The following CABIN1 variants were observed in gnomAD, a reference collection of about 807,000 sequenced individuals.
CABIN1 encodes calcineurin-binding protein cabin-1.
CABIN1 carries 133 observed loss-of-function variants against 227.7 expected under a neutral mutation model. The observed-to-expected ratio is 0.58, with a 90% CI of 0.51 to 0.67. The LOEUF (loss-of-function observed/expected upper bound fraction) is 0.67. Among genes scored for constraint, CABIN1 ranks in the 30% least tolerant of loss-of-function variants. The pLI, the probability that CABIN1 is intolerant of heterozygous loss-of-function variation, is 0.00. For missense variants in CABIN1, 2,408 were observed against 2,852.5 expected (o/e 0.84, Z 3.55); for synonymous variants, 1,086 against 1,155.1 (o/e 0.94, Z 1.21).
At chr22:24,037,467 G>A (rs1327640926) in intron 3 of CABIN1, among the ~76,000 whole-genome samples, 1 of 151,782 alleles carries the variant, frequency 6.6e-6, no homozygotes, top group Non-Finnish European at 1.5e-5. Flanking sequence ...ACCATGCTCA[G>A]CTGATTTTTA....
At position 24,050,858 on chromosome 22, in the gene CABIN1, A is replaced by G. The variant is rs750650338; in HGVS notation, c.690A>G (p.Ala230=). Residue 230 remains alanine, a synonymous_variant, in exon 8 of 37, where the codon GCA becomes GCG. Transcript: ENST00000263119. ...CGATTCACGATGTTTCGGTGAGTGC[A>G]GCTGAGACACAGGCGATTGTAGATG... ...DMSIHDVSVS[A]AETQAIVDEA... 1.9e-6 allele frequency: 3 copies of G among 1,614,228 alleles called. No homozygotes were observed. In the South Asian group the frequency reaches 3.3e-5, roughly 18 times the overall value.
chr22:24,067,493 T>C (rs767785430), intron 16 of CABIN1, among the ~76,000 whole-genome samples: 1 of 152,246 alleles, frequency 6.6e-6, no homozygotes, highest in South Asian at 2.1e-4. Context: ...CACTTGTTTA[T>C]TCATCCATCT....
At position 24,176,283 on chromosome 22, in the gene CABIN1, G is replaced by A. The variant is rs761046449; in HGVS notation, c.6205+8G>A. ...AGCCCACCTGCAGCCAGGGTAAGGC[G>A]AGTTGGGAGCAGCCCAGCACCAGCC... On this transcript the variant is annotated splice_region_variant and intron_variant, in intron 35 of 36. Transcript: ENST00000263119. The A allele has an allele frequency of 3.8e-6, 6 of 1,593,402 alleles. No individual in the cohort carries two copies. The highest frequency in any genetic ancestry group is 1.1e-5 in the South Asian group (1 of 88,594).
intron 28 of CABIN1, among the ~76,000 whole-genome samples, chr22:24,125,937 G>A (rs1401065061): frequency 1.3e-5 from 2 of 152,216 alleles, no homozygotes; most frequent in South Asian, 4.1e-4. Context: ...CCCCATACTG[G>A]CTGCTGCTTT....
intron 29 of CABIN1, among the ~76,000 whole-genome samples, chr22:24,148,640 T>C (rs2267063): frequency 0.29 from 44,080 of 152,228 alleles, 8,063 homozygotes; most frequent in African/African-American, 0.52. Context: ...GTTTCTCCAT[T>C]TCCAAAGGTG....
At chr22:24,036,981 C>T (rs572636377) in intron 3 of CABIN1, among the ~76,000 whole-genome samples, 19 of 152,132 alleles carry the variant, frequency 1.2e-4, no homozygotes, top group Non-Finnish European at 1.3e-4. Context: ...GAAACCAGGC[C>T]GGGTGCGGTG....
At chr22:24,156,012 C>T in intron 29 of CABIN1, 1 of 574,432 alleles carries the variant, frequency 1.7e-6, no homozygotes, top group South Asian at 2.0e-5. Context: ...GCGAACGAGC[C>T]TCCGCGGCCA....
Position 24,172,010 on chromosome 22 carries a change from A to C in CABIN1, c.6040+15A>C. 6.2e-7 allele frequency: 1 copy of C among 1,605,882 alleles called. No homozygotes were observed. The highest frequency in any genetic ancestry group is 8.5e-7 in the Non-Finnish European group (1 of 1,178,932). ...TCTGGGCCCAGGTGAGTCCCATCCCAGTCCAGAGCTGGGCCCAGGCCCCTG... is the reference window on the plus strand; with the variant it reads ...TCTGGGCCCAGGTGAGTCCCATCCCCGTCCAGAGCTGGGCCCAGGCCCCTG... On this transcript the variant is annotated intron_variant, in intron 34 of 36. Coordinates refer to ENST00000263119, the MANE Select transcript of CABIN1 (RefSeq NM_012295.4).
At chr22:24,013,869 A>G (rs1445563120) in intron 1 of CABIN1, among the ~76,000 whole-genome samples, 2 of 152,172 alleles carry the variant, frequency 1.3e-5, no homozygotes, top group African/African-American at 2.4e-5. Context: ...AGGTTTGTCC[A>G]GTGTTTTCTA....
intron 22 of CABIN1, among the ~76,000 whole-genome samples, chr22:24,087,169 T>C (rs1569192115): frequency 6.6e-6 from 1 of 152,352 alleles, no homozygotes; most frequent in East Asian, 1.9e-4. Flanking sequence ...TGCATGCCTA[T>C]TAGGCGCTGG....
intron 33 of CABIN1, among the ~76,000 whole-genome samples, chr22:24,170,310 G>C (rs1376818435): frequency 5.3e-5 from 8 of 152,166 alleles, no homozygotes. Flanking sequence ...CATAGCTCCC[G>C]CCCCTCAGGG....
At chr22:24,064,362 T>C (rs1433232817) in intron 15 of CABIN1, among the ~76,000 whole-genome samples, 175 bp downstream of exon 15, 1 of 152,154 alleles carries the variant, frequency 6.6e-6, no homozygotes, top group African/African-American at 2.4e-5. Context: ...CCCGCCGCCA[T>C]GCCTGGCTAA....
At chr22:24,051,205 G>A (rs2038306894) in intron 8 of CABIN1, among the ~76,000 whole-genome samples, 1 of 152,148 alleles carries the variant, frequency 6.6e-6, no homozygotes, top group African/African-American at 2.4e-5. Flanking sequence ...TGCTGTTGCT[G>A]TTCTTGACCC....
At chr22:24,149,422 A>G (rs2045352833) in intron 29 of CABIN1, among the ~76,000 whole-genome samples, 1 of 152,180 alleles carries the variant, frequency 6.6e-6, no homozygotes, top group South Asian at 2.1e-4. Flanking sequence ...CAACACTGCC[A>G]TTGTGTCCAG....
At chr22:24,022,705 G>A (rs1341062597) in intron 1 of CABIN1, among the ~76,000 whole-genome samples, 1 of 152,158 alleles carries the variant, frequency 6.6e-6, no homozygotes, top group Non-Finnish European at 1.5e-5. Flanking sequence ...CCTATCAGCA[G>A]TGTATGATTC....
intron 25 of CABIN1, among the ~76,000 whole-genome samples, chr22:24,097,202 A>G (rs1234685609): frequency 6.6e-6 from 1 of 152,246 alleles, no homozygotes; most frequent in South Asian, 2.1e-4. Context: ...AATTATACAA[A>G]TAATACATGA....
intron 5 of CABIN1, among the ~76,000 whole-genome samples, chr22:24,042,012 C>T (rs2037413984): frequency 6.6e-6 from 1 of 152,178 alleles, no homozygotes; most frequent in Admixed American, 6.5e-5. Context: ...AGTGCAGTGG[C>T]ACAATCAGGG....
intron 34 of CABIN1, among the ~76,000 whole-genome samples, chr22:24,174,295 A>G (rs1485661762): frequency 6.7e-6 from 1 of 148,972 alleles, no homozygotes; most frequent in African/African-American, 2.5e-5. Context: ...CGCCTGGGTA[A>G]TTTTTGTATT....
intron 27 of CABIN1, among the ~76,000 whole-genome samples, chr22:24,114,334 C>A (rs1190592670): frequency 6.6e-6 from 1 of 152,130 alleles, no homozygotes; most frequent in African/African-American, 2.4e-5. Context: ...TGGGGCTTTC[C>A]TGGCCCCACT....
Sources: gnomAD v4.1 joint callset for allele counts (sites outside exome capture counted in the v4.1 genomes callset) on GRCh38, gnomAD v4.1.1 for gene constraint, MANE v1.5 for transcripts, NCBI Gene and HGNC (gene_info 2026-07-23, HGNC 2026-07-21) for gene names.